Variants in MEGF6 observed in about 807,000 individuals in gnomAD.
MEGF6 encodes multiple EGF like domains 6.
A neutral mutation model predicts 207.1 loss-of-function variants in MEGF6; 184 were observed. The ratio of observed to expected loss-of-function variants is 0.89; its 90% CI spans 0.79 to 1.00. MEGF6 has a LOEUF of 1.00. Among genes scored for constraint, MEGF6 ranks in the 50% least tolerant of loss-of-function variants. The pLI, the probability that MEGF6 is intolerant of heterozygous loss-of-function variation, is 0.00. For synonymous variants in MEGF6, 1,038 were observed against 910.0 expected, an observed-to-expected ratio of 1.14 and a Z score of -2.53; for missense variants, 2,282 against 2,202.9, an observed-to-expected ratio of 1.04 and a Z score of -0.72.
intron 26 of MEGF6, 34 bp downstream of exon 26, chr1:3,498,337 C>A: frequency 3.8e-6 from 6 of 1,580,948 alleles, no homozygotes; most frequent in Middle Eastern, 2.0e-4. Flanking sequence ...CCCAGCAGGG[C>A]CTGCAGACCC....
intron 30 of MEGF6, 50 bp downstream of exon 30, chr1:3,495,840 G>T: frequency 6.3e-7 from 1 of 1,580,910 alleles, no homozygotes; most frequent in Non-Finnish European, 8.6e-7. Flanking sequence ...CTAATCCAGT[G>T]ACATCTCTGT....
At chr1:3,584,443 G>A (rs1643866941) in intron 3 of MEGF6, among the ~76,000 whole-genome samples, 1 of 152,208 alleles carries the variant, frequency 6.6e-6, no homozygotes, top group Non-Finnish European at 1.5e-5. Flanking sequence ...TGACCACCAG[G>A]CGGATCAAGC....
At chr1:3,596,553 T>C (rs1326439821) in intron 2 of MEGF6, among the ~76,000 whole-genome samples, 1 of 23,274 alleles carries the variant, frequency 4.3e-5, no homozygotes, top group Non-Finnish European at 8.6e-5. Flanking sequence ...CCAGCCCCCG[T>C]CTCCACCCCA....
chr1:3,583,868 G>C (rs867961732), intron 3 of MEGF6, among the ~76,000 whole-genome samples: 103 of 112,600 alleles, frequency 9.1e-4, no homozygotes, highest in African/African-American at 3.0e-3. Context: ...ACCAGACAAC[G>C]CGCAGCCACC....
At chr1:3,545,466 C>T (rs759935015) in intron 4 of MEGF6, among the ~76,000 whole-genome samples, 3 of 152,176 alleles carry the variant, frequency 2.0e-5, no homozygotes, top group African/African-American at 4.8e-5. Flanking sequence ...CCAGCTCCAA[C>T]GTGTGGAGGT....
At chr1:3,598,728 C>G (rs77696155) in intron 2 of MEGF6, among the ~76,000 whole-genome samples, 98,356 of 139,112 alleles carry the variant, frequency 0.71, 35,910 homozygotes, top group East Asian at 0.88. Flanking sequence ...CCCCCCCCCC[C>G]CCCGGGGCCC....
At chr1:3,603,386 G>A (rs1412420829) in intron 1 of MEGF6, among the ~76,000 whole-genome samples, 1 of 152,106 alleles carries the variant, frequency 6.6e-6, no homozygotes, top group Non-Finnish European at 1.5e-5. Context: ...CCCCTGGCCT[G>A]CCCTGACCGA....
In MEGF6 at chr1:3,592,194, C is replaced by T. The variant is rs897788180; in HGVS notation, c.376+3144G>A. Reference sequence around the variant, plus strand: ...GAGAGGCTGGCACGGTGCCCCCAGGCCTGCAGGTCCCGGCGTGCAGCCCAC... The same window carrying T: ...GAGAGGCTGGCACGGTGCCCCCAGGTCTGCAGGTCCCGGCGTGCAGCCCAC... On this transcript the variant is annotated intron_variant, in intron 3 of 36. Coordinates refer to ENST00000356575, the MANE Select transcript of MEGF6 (RefSeq NM_001409.4). Among the ~76,000 whole-genome samples, 11 of 152,316 alleles carry T rather than the reference C, an allele frequency of 7.2e-5. No homozygotes were observed. The South Asian group carries it at 1.7e-3, about 23-fold the overall frequency.
intron 14 of MEGF6, 102 bp from the exon 15 acceptor site, chr1:3,506,338 G>A (rs1202727652): frequency 4.2e-5 from 60 of 1,418,116 alleles, no homozygotes; most frequent in Non-Finnish European, 5.0e-5. Context: ...CCCAGCACAG[G>A]AGCTGGGAGC....
intron 7 of MEGF6, among the ~76,000 whole-genome samples, chr1:3,513,419 G>A (rs1641423851): frequency 6.7e-6 from 1 of 150,276 alleles, no homozygotes; most frequent in Non-Finnish European, 1.5e-5. Flanking sequence ...CCACAGGTGT[G>A]CACCATCATG....
chr1:3,499,491 C>T (rs984769018), intron 23 of MEGF6, 97 bp downstream of exon 23: 47 of 1,503,196 alleles, frequency 3.1e-5, no homozygotes, highest in Admixed American at 2.0e-5. Flanking sequence ...TGCCTGGTAG[C>T]TTCAGACACT....
chr1:3,490,710 G>C (rs1640317935), intron 36 of MEGF6, 121 bp from the exon 37 acceptor site: 3 of 1,143,734 alleles, frequency 2.6e-6, no homozygotes, highest in Admixed American at 4.5e-5. Context: ...CCCAGCAGGT[G>C]GGTGGGGCCC....
chr1:3,505,066 G>C (rs964291255), intron 17 of MEGF6, 142 bp downstream of exon 17: 1 of 918,512 alleles, frequency 1.1e-6, no homozygotes, highest in Non-Finnish European at 1.5e-6. Flanking sequence ...AGGCAACACC[G>C]GTAGCAAGGC....
intron 26 of MEGF6, among the ~76,000 whole-genome samples, chr1:3,497,773 C>G (rs1331068100): frequency 1.3e-5 from 2 of 152,218 alleles, no homozygotes; most frequent in Non-Finnish European, 1.5e-5. Context: ...CCCAGGCCCC[C>G]CTCAGACAGC....
Position 3,506,102 on chromosome 1 carries a change from A to G in MEGF6, c.1918+6T>C, listed in dbSNP as rs1162830856. On this transcript the variant is annotated splice_donor_region_variant and intron_variant, in intron 15 of 36. Transcript: ENST00000356575. The stretch of plus-strand genomic sequence containing the variant: ...CATGGACACTGGAAGGGGCAGTGAG[A>G]CTCACTGAGGTGGCAGAAGCGGCCG... 1.3e-6 allele frequency: 2 copies of G among 1,586,060 alleles called. No individual in the cohort carries two copies. The highest frequency in any genetic ancestry group is 1.1e-5 in the South Asian group (1 of 87,218).
At chr1:3,619,288 G>A in the MEGF6 span, among the ~76,000 whole-genome samples, 2 of 152,160 alleles carry the variant, frequency 1.3e-5, no homozygotes, top group Non-Finnish European at 2.9e-5. Context: ...CCCCAATCAC[G>A]AACCATCTTC....
At chr1:3,520,280 C>G (rs949422677) in intron 5 of MEGF6, among the ~76,000 whole-genome samples, 2 of 152,238 alleles carry the variant, frequency 1.3e-5, no homozygotes, top group African/African-American at 4.8e-5. Flanking sequence ...CATGCTGGCT[C>G]AGAGCAGCCC....
At chr1:3,496,103 G>A (rs915545229) in intron 29 of MEGF6, 85 bp from the exon 30 acceptor site, 31 of 1,430,116 alleles carry the variant, frequency 2.2e-5, no homozygotes, top group Admixed American at 1.1e-4. Context: ...GACAGGATGG[G>A]ATGGGGTGAG....
rs183814330 is a variant in MEGF6 at position 3,582,001 on chromosome 1, C to T, written c.377-2072G>A. On this transcript the variant is annotated intron_variant, in intron 3 of 36. Transcript: ENST00000356575. Reference sequence around the variant, plus strand: ...GGAAAAGGGGCGTGCTTCTGAAAATCCCAGCCAGATCCAGCATCCCTGCTG... The same window carrying T: ...GGAAAAGGGGCGTGCTTCTGAAAATTCCAGCCAGATCCAGCATCCCTGCTG... Among the ~76,000 whole-genome samples the T allele has an allele frequency of 2.1e-3, 307 of 147,422 alleles. 1 individual carries two copies. The highest frequency in any genetic ancestry group is 7.2e-3 in the African/African-American group (295 of 40,820).
Sources: allele counts gnomAD v4.1 joint callset (sites outside exome capture counted in the v4.1 genomes callset), GRCh38; gene constraint gnomAD v4.1.1; transcripts MANE v1.5; gene names NCBI Gene and HGNC (gene_info 2026-07-23, HGNC 2026-07-21).